The following XKR4 variants were observed in gnomAD, a reference collection of about 807,000 sequenced individuals.
XKR4 encodes the protein XK-related protein 4.
XKR4 carries 12 observed loss-of-function variants against 53.9 expected under a neutral mutation model. The ratio of observed to expected loss-of-function variants is 0.22; its 90% CI spans 0.14 to 0.36. The LOEUF (loss-of-function observed/expected upper bound fraction) is 0.36, where lower values mean the gene tolerates loss of function less well. XKR4 is among the 10% of genes least tolerant of loss of function. XKR4 has a pLI of 1.00. For synonymous variants in XKR4, 354 were observed against 362.4 expected (o/e 0.98, Z 0.26); for missense variants, 799 against 859.5 (o/e 0.93, Z 0.88).
intron 2 of XKR4, among the ~76,000 whole-genome samples, chr8:55,414,982 T>A (rs970125983): frequency 2.0e-5 from 3 of 152,240 alleles, no homozygotes; most frequent in African/African-American, 7.2e-5. Flanking sequence ...TAATGTGGTA[T>A]TGGAGTGCCT....
At chr8:55,178,812 G>A (rs1193716329) in intron 1 of XKR4, among the ~76,000 whole-genome samples, 3 of 152,162 alleles carry the variant, frequency 2.0e-5, no homozygotes, top group African/African-American at 7.2e-5. Context: ...GACAAAAATG[G>A]CCCCGCTTAT....
chr8:55,486,263 G>C (rs1806189745), intron 2 of XKR4, among the ~76,000 whole-genome samples: 1 of 152,182 alleles, frequency 6.6e-6, no homozygotes, highest in African/African-American at 2.4e-5. Flanking sequence ...TAAGTCTTTT[G>C]ACCAGATCTA....
chr8:55,158,261 G>A (rs756983258), intron 1 of XKR4, among the ~76,000 whole-genome samples: 7 of 152,160 alleles, frequency 4.6e-5, no homozygotes, highest in Non-Finnish European at 7.3e-5. Context: ...GATTAGTGAC[G>A]TTGAGGATTT....
rs188563848 is a variant in XKR4 at position 55,350,818 on chromosome 8, C to A, written c.807-6860C>A. On this transcript the variant is annotated intron_variant, in intron 1 of 2. Coordinates refer to ENST00000327381, the MANE Select transcript of XKR4 (RefSeq NM_052898.2). ...GCAGTGGCACGATCTCGGTTCACTG[C>A]AACCTCTGCCTCCCAGGTTCAAGTG... Among the ~76,000 whole-genome samples the A allele has an allele frequency of 6.7e-5, 10 of 149,304 alleles. No individual in the cohort carries two copies. The East Asian group carries it at 2.0e-3, about 29-fold the overall frequency.
At chr8:55,335,093 G>T (rs764064843) in intron 1 of XKR4, among the ~76,000 whole-genome samples, 1 of 152,150 alleles carries the variant, frequency 6.6e-6, no homozygotes, top group African/African-American at 2.4e-5. Context: ...CTGGATTGTA[G>T]ACATGACCTG....
At chr8:55,174,728 G>A (rs959834526) in intron 1 of XKR4, among the ~76,000 whole-genome samples, 2 of 152,172 alleles carry the variant, frequency 1.3e-5, no homozygotes, top group African/African-American at 4.8e-5. Context: ...ACTGTCACTA[G>A]TCTCTCCCAG....
At chr8:55,296,532 T>C (rs1177750443) in intron 1 of XKR4, among the ~76,000 whole-genome samples, 1 of 151,988 alleles carries the variant, frequency 6.6e-6, no homozygotes. Flanking sequence ...GCCAATACTA[T>C]TTTTTTTCTT....
chr8:55,107,305 A>G (rs1247241583), intron 1 of XKR4, among the ~76,000 whole-genome samples: 1 of 152,156 alleles, frequency 6.6e-6, no homozygotes, highest in African/African-American at 2.4e-5. Flanking sequence ...GTTAGGATTA[A>G]AAACGGGGCC....
chr8:55,189,894 A>C (rs376220405), intron 1 of XKR4, among the ~76,000 whole-genome samples: 8 of 152,322 alleles, frequency 5.3e-5, no homozygotes, highest in East Asian at 3.9e-4. Flanking sequence ...AACTCACACG[A>C]CAGGCACTTC....
intron 2 of XKR4, among the ~76,000 whole-genome samples, chr8:55,380,394 T>A (rs1396565205): frequency 1.3e-5 from 2 of 152,190 alleles, no homozygotes; most frequent in African/African-American, 4.8e-5. Flanking sequence ...TGCAAGACAC[T>A]CTCATAATAA....
intron 2 of XKR4, among the ~76,000 whole-genome samples, chr8:55,426,817 A>G (rs1805022233): frequency 6.6e-6 from 1 of 152,248 alleles, no homozygotes; most frequent in Non-Finnish European, 1.5e-5. Flanking sequence ...AAGCAGTTGA[A>G]TACATTTTGT....
At chr8:55,260,719 A>G (rs943260585) in intron 1 of XKR4, among the ~76,000 whole-genome samples, 1 of 152,124 alleles carries the variant, frequency 6.6e-6, no homozygotes, top group Non-Finnish European at 1.5e-5. Flanking sequence ...TCACATTTGC[A>G]TAGTGCATAG....
At chr8:55,248,393 T>C (rs1173227487) in intron 1 of XKR4, among the ~76,000 whole-genome samples, 2 of 152,272 alleles carry the variant, frequency 1.3e-5, no homozygotes, top group Admixed American at 1.3e-4. Context: ...AGCATGTAAT[T>C]GCCTCTACCT....
At chr8:55,394,458 T>C (rs1240322781) in intron 2 of XKR4, among the ~76,000 whole-genome samples, 1 of 152,242 alleles carries the variant, frequency 6.6e-6, no homozygotes, top group African/African-American at 2.4e-5. Flanking sequence ...AAACTAAGCA[T>C]TATGAAAATA....
chr8:55,523,934 A>G lies in XKR4; in HGVS notation c.1660A>G (p.Ser554Gly), dbSNP rs776486461. ...STLRSISNNR[S>G]VVSDRDQKFA... ...CCTACGGTCCATCTCCAACAACCGC[A>G]GTGTTGTCAGCGACCGCGATCAGAA... The change falls in exon 3 of 3, where the codon AGT (serine) becomes GGT (glycine). Residue 554 changes from serine to glycine, a missense_variant. By Grantham distance (56) the Ser-to-Gly change is moderately conservative (BLOSUM62 0). Coordinates refer to ENST00000327381, the MANE Select transcript of XKR4 (RefSeq NM_052898.2). 1 of 1,614,116 alleles carries G rather than the reference A, an allele frequency of 6.2e-7. No individual in the cohort carries two copies. The highest frequency in any genetic ancestry group is 1.7e-5 in the Admixed American group (1 of 60,022).
chr8:55,250,577 C>T (rs1308925108), intron 1 of XKR4, among the ~76,000 whole-genome samples: 1 of 152,194 alleles, frequency 6.6e-6, no homozygotes, highest in African/African-American at 2.4e-5. Context: ...CTTCTCATTT[C>T]AGCTCATCCT....
chr8:55,466,074 T>C (rs1744253454), intron 2 of XKR4, among the ~76,000 whole-genome samples: 1 of 152,094 alleles, frequency 6.6e-6, no homozygotes, highest in Admixed American at 6.6e-5. Flanking sequence ...TGGAAGTCAG[T>C]GTGGCGATTC....
At chr8:55,119,685 T>C (rs978809258) in intron 1 of XKR4, among the ~76,000 whole-genome samples, 1 of 152,212 alleles carries the variant, frequency 6.6e-6, no homozygotes, top group Non-Finnish European at 1.5e-5. Flanking sequence ...CAATTGCAGT[T>C]TGAAAGTACT....
intron 2 of XKR4, chr8:55,521,022 C>G (rs1223975682): frequency 1.3e-5 from 2 of 152,268 alleles, no homozygotes; most frequent in Non-Finnish European, 2.9e-5. Flanking sequence ...GTTAACAACC[C>G]CGCTTTGGTT....
Sources: gnomAD v4.1 joint callset for allele counts (sites outside exome capture counted in the v4.1 genomes callset) on GRCh38, gnomAD v4.1.1 for gene constraint, MANE v1.5 for transcripts, NCBI Gene and HGNC (gene_info 2026-07-23, HGNC 2026-07-21) for gene names.